The following TEKT1 variants were observed in gnomAD, a reference collection of about 807,000 sequenced individuals.
TEKT1 encodes the protein tektin-1.
TEKT1 carries 32 observed loss-of-function variants against 34.8 expected under a neutral mutation model. The observed-to-expected ratio is 0.92, with a 90% CI of 0.69 to 1.23. The LOEUF (loss-of-function observed/expected upper bound fraction) is 1.23, where lower values mean the gene tolerates loss of function less well. Ranked by LOEUF, TEKT1 falls within the 50% of genes most tolerant of loss-of-function variation. TEKT1 has a pLI of 0.00. For synonymous variants in TEKT1, 207 were observed against 199.8 expected, an observed-to-expected ratio of 1.04 and a Z score of -0.30; for missense variants, 492 against 518.5, an observed-to-expected ratio of 0.95 and a Z score of 0.50.
intron 3 of TEKT1, among the ~76,000 whole-genome samples, chr17:6,816,478 A>G (rs140259536): frequency 0.081 from 12,348 of 152,126 alleles, 620 homozygotes; most frequent in Middle Eastern, 0.18. Flanking sequence ...GAGAACATGC[A>G]GTGTTTGGTT....
rs986222751 is a variant in TEKT1 at position 6,798,908 on chromosome 17, A to T, written c.*1119T>A. On this transcript the variant is annotated 3_prime_UTR_variant, in exon 8 of 8. Transcript: ENST00000338694. ...AAACTTTCCTGGCAGTGTTGCAACT[A>T]GAAGCTAGGTCTCCTGAGCCCCACA... 6.6e-6 allele frequency: 1 copy of T among 152,280 alleles called. No homozygotes were observed. Among genetic ancestry groups the T allele is most frequent in the Non-Finnish European group, 1.5e-5 (1 of 68,086 alleles). The allele number at this position is 152,280 out of a possible 1,614,324, so 9.4% of individuals were successfully genotyped here.
At chr17:6,808,458 C>T (rs530722108) in intron 6 of TEKT1, among the ~76,000 whole-genome samples, 4 of 152,220 alleles carry the variant, frequency 2.6e-5, no homozygotes, top group South Asian at 4.1e-4. Context: ...ATGCTTGGTG[C>T]GCTGCACCCA....
chr17:6,817,958 T>C (rs1199880303), intron 3 of TEKT1, among the ~76,000 whole-genome samples: 2 of 152,194 alleles, frequency 1.3e-5, no homozygotes, highest in East Asian at 3.8e-4. Context: ...TTCTCTTTGC[T>C]TCATAGATTT....
At chr17:6,828,946 T>A (rs528498393) in intron 2 of TEKT1, among the ~76,000 whole-genome samples, 6 of 149,070 alleles carry the variant, frequency 4.0e-5, no homozygotes, top group Non-Finnish European at 6.0e-5. Context: ...AGGTCAGGAG[T>A]TCAAGACCAG....
At chr17:6,820,618 C>T (rs1179584185) in intron 2 of TEKT1, among the ~76,000 whole-genome samples, 1 of 152,052 alleles carries the variant, frequency 6.6e-6, no homozygotes, top group African/African-American at 2.4e-5. Flanking sequence ...TATTCCAACC[C>T]ATCAAGTAAG....
intron 4 of TEKT1, among the ~76,000 whole-genome samples, chr17:6,815,513 C>T (rs1476409006): frequency 1.3e-5 from 2 of 152,142 alleles, no homozygotes; most frequent in South Asian, 2.1e-4. Flanking sequence ...TGGAGATTCT[C>T]CCTTCTACTG....
intron 2 of TEKT1, 90 bp downstream of exon 2, chr17:6,830,097 A>T (rs1453355114): frequency 7.8e-7 from 1 of 1,281,346 alleles, no homozygotes; most frequent in African/African-American, 1.5e-5. Context: ...TTCAAAAATA[A>T]TATGTTGCCA....
chr17:6,825,894 A>G (rs1374801917), intron 2 of TEKT1, among the ~76,000 whole-genome samples: 1 of 152,178 alleles, frequency 6.6e-6, no homozygotes. Flanking sequence ...GGCCATTACA[A>G]ATGGCCCTCC....
Position 6,813,001 on chromosome 17 carries a change from C to G in TEKT1, c.682G>C (p.Ala228Pro), listed in dbSNP as rs150419358. The G allele has an allele frequency of 8.9e-5, 143 of 1,614,078 alleles. No homozygotes were observed. Among genetic ancestry groups the G allele is most frequent in the Middle Eastern group, 6.6e-4 (4 of 6,082 alleles). Residue 228 changes from alanine to proline, a missense_variant, in exon 6 of 8, where the codon GCT (alanine) becomes CCT (proline). Transcript: ENST00000338694. ...LDFSSTNVEK[A>P]DKQRNNSLML... is the part of the protein sequence containing the mutation. Reference sequence around the variant, plus strand: ...AGGGAGTTGTTCCGCTGCTTGTCAGCCTTCTCCACATTGGTGCTGGAGAAG... The same window carrying G: ...AGGGAGTTGTTCCGCTGCTTGTCAGGCTTCTCCACATTGGTGCTGGAGAAG...
At position 6,830,360 on chromosome 17, in the gene TEKT1, T is replaced by C. The variant is rs1371288635; in HGVS notation, c.17A>G (p.Gln6Arg). Residue 6 changes from glutamine to arginine, a missense_variant, in exon 2 of 8, where the codon CAA (glutamine) becomes CGA (arginine). Transcript: ENST00000338694. ...TGAGGGCAGGAACTTGGGTGGAGGT[T>C]GTAATAGTTTAGCCATTTGAGGTTT... Reference protein sequence around the residue: MAKLLQPPPKFLPSEW... With the variant: MAKLLRPPPKFLPSEW... The C allele has an allele frequency of 6.3e-7, 1 of 1,587,010 alleles. No homozygotes were observed. The highest frequency in any genetic ancestry group is 2.0e-5 in the Admixed American group (1 of 50,602).
Position 6,815,829 on chromosome 17 carries a change from C to A in TEKT1, c.485+5G>T, listed in dbSNP as rs144278703. On this transcript the variant is annotated splice_donor_5th_base_variant and intron_variant, in intron 4 of 7. Transcript: ENST00000338694. Reference sequence around the variant, plus strand: ...AGATTTGGAGGGCAGGCCGAAGAGTCATACCGAATCTGCTCGGAAGCCTCC... The same window carrying A: ...AGATTTGGAGGGCAGGCCGAAGAGTAATACCGAATCTGCTCGGAAGCCTCC... 3.1e-5 allele frequency: 50 copies of A among 1,614,098 alleles called. No individual in the cohort carries two copies. In the African/African-American group the frequency reaches 5.7e-4, roughly 18 times the overall value.
At chr17:6,825,947 G>A (rs142559141) in intron 2 of TEKT1, among the ~76,000 whole-genome samples, 11 of 152,216 alleles carry the variant, frequency 7.2e-5, no homozygotes, top group Non-Finnish European at 1.0e-4. Context: ...ATATATTCCC[G>A]TATGATAAAA....
intron 3 of TEKT1, among the ~76,000 whole-genome samples, chr17:6,818,244 G>C (rs1391122346): frequency 6.6e-6 from 1 of 152,146 alleles, no homozygotes. Flanking sequence ...GCATGGCGGT[G>C]ACCGGGAAAA....
chr17:6,830,072 T>C, intron 2 of TEKT1, 115 bp downstream of exon 2: 2 of 1,073,542 alleles, frequency 1.9e-6, no homozygotes, highest in African/African-American at 1.6e-5. Flanking sequence ...AGAATACACA[T>C]GATTTTCTCT....
chr17:6,815,269 A>T lies in TEKT1; in HGVS notation c.523T>A (p.Leu175Met). ...GTCAGGGCCACAAACTTGTCCTTCA[A>T]ATCCTTCTCAAGATTGTACTTGGCA... ...RSAKYNLEKD[L>M]KDKFVALTID... Residue 175 changes from leucine to methionine, a missense_variant, in exon 5 of 8, where the codon TTG becomes ATG. By Grantham distance (15) the Leu-to-Met change is conservative. Transcript: ENST00000338694. The T allele has an allele frequency of 6.2e-7, 1 of 1,614,198 alleles. No homozygotes were observed.
At chr17:6,812,770 GT>G (rs1227482937) in intron 6 of TEKT1, 60 bp downstream of exon 6, 25 of 1,547,402 alleles carry the variant, frequency 1.6e-5, no homozygotes, top group Admixed American at 3.4e-5. Context: ...GGGCATTCTT[GT>G]TTTCCATGGT....
chr17:6,831,016 G>A (rs1904558671), intron 1 of TEKT1, among the ~76,000 whole-genome samples: 3 of 124,038 alleles, frequency 2.4e-5, no homozygotes, highest in Middle Eastern at 3.9e-3. Context: ...AGAAAAAGAA[G>A]AGGAAGAAGA....
intron 2 of TEKT1, among the ~76,000 whole-genome samples, chr17:6,822,130 C>G (rs1181172103): frequency 6.6e-6 from 1 of 152,154 alleles, no homozygotes; most frequent in Non-Finnish European, 1.5e-5. Flanking sequence ...GCCTAGGGCC[C>G]TGCTTCCTCA....
At position 6,800,873 on chromosome 17, in the gene TEKT1, CCTT is replaced by C. The variant is rs748785674; in HGVS notation, c.920_922del (p.Glu307del). 1 of 1,614,094 alleles carries C rather than the reference CCTT, an allele frequency of 6.2e-7. No homozygotes were observed. Among genetic ancestry groups the C allele is most frequent in the Non-Finnish European group, 8.5e-7 (1 of 1,180,016 alleles). On this transcript the variant is annotated inframe_deletion, in exon 7 of 8. Coordinates refer to ENST00000338694, the MANE Select transcript of TEKT1 (RefSeq NM_053285.2). ...GCGCGTATGAGCCACCTTGGCTGGC[CCTT>C]CTTGGTCAAGGATGGCCTTTTCAAG...
Sources: gnomAD v4.1 joint callset for allele counts (sites outside exome capture counted in the v4.1 genomes callset) on GRCh38, gnomAD v4.1.1 for gene constraint, MANE v1.5 for transcripts, NCBI Gene and HGNC (gene_info 2026-07-23, HGNC 2026-07-21) for gene names.